TLE1: variants seen among roughly 807,000 people sequenced by gnomAD.
TLE1 encodes the protein TLE family member 1, transcriptional corepressor.
TLE1 carries 21 observed loss-of-function variants against 89.8 expected under a neutral mutation model. The observed-to-expected ratio is 0.23, with a 90% CI of 0.17 to 0.34. TLE1 has a LOEUF of 0.34. Among genes scored for constraint, TLE1 ranks in the 10% least tolerant of loss-of-function variants. TLE1 has a pLI of 1.00. For missense variants in TLE1, 795 were observed against 1,031.2 expected (o/e 0.77, Z 3.14); for synonymous variants, 447 against 407.6 (o/e 1.10, Z -1.16).
chr9:81,628,466 T>C (rs1236162745), intron 8 of TLE1, among the ~76,000 whole-genome samples: 3 of 152,204 alleles, frequency 2.0e-5, no homozygotes, highest in Admixed American at 1.3e-4. Flanking sequence ...AACAGTATTC[T>C]TTTCCAAAGC....
chr9:81,634,141 G>T lies in TLE1; in HGVS notation c.533C>A (p.Ala178Glu), dbSNP rs765806788. The part of the protein sequence containing the change: ...SSALSGQSHL[A>E]IKDDKKHHDA... ...GTGGTGCTTCTTGTCATCTTTTATT[G>T]CCAAGTGAGACTGCCCACTCAGAGC... The change falls in exon 7 of 20, where the codon GCA becomes GAA. Residue 178 changes from alanine to glutamate, a missense_variant. By Grantham distance (107) the Ala-to-Glu change is moderately radical. Coordinates refer to ENST00000376499, the MANE Select transcript of TLE1 (RefSeq NM_005077.5). 1.2e-6 allele frequency: 2 copies of T among 1,607,954 alleles called. No homozygotes were observed. Among genetic ancestry groups the T allele is most frequent in the Non-Finnish European group, 8.5e-7 (1 of 1,176,732 alleles).
At chr9:81,585,695 A>G (rs1337602162) in intron 17 of TLE1, 40 bp from the exon 18 acceptor site, 1 of 1,606,098 alleles carries the variant, frequency 6.2e-7, no homozygotes, top group Admixed American at 1.7e-5. Flanking sequence ...ATTCCGCCTG[A>G]TACACTTAGG....
At chr9:81,674,452 GTT>G (rs1195151433) in intron 4 of TLE1, among the ~76,000 whole-genome samples, 1 of 152,156 alleles carries the variant, frequency 6.6e-6, no homozygotes, top group African/African-American at 2.4e-5. Flanking sequence ...CCTCAATGAG[GTT>G]TTGTTTCTGG....
intron 14 of TLE1, among the ~76,000 whole-genome samples, chr9:81,603,328 T>C (rs961214062): frequency 2.0e-5 from 3 of 152,158 alleles, no homozygotes; most frequent in African/African-American, 4.8e-5. Flanking sequence ...CATGTTCCCC[T>C]TGAAGGATCC....
chr9:81,628,721 T>C (rs1177352197), intron 8 of TLE1, among the ~76,000 whole-genome samples: 2 of 151,358 alleles, frequency 1.3e-5, no homozygotes, highest in Non-Finnish European at 1.5e-5. Context: ...AATTACAGAG[T>C]GACAACATGG....
At chr9:81,656,547 G>A (rs143936962) in intron 4 of TLE1, among the ~76,000 whole-genome samples, 12 of 152,290 alleles carry the variant, frequency 7.9e-5, no homozygotes, top group Middle Eastern at 3.4e-3. Context: ...CCAAGGATAA[G>A]CATGGGTAAC....
At chr9:81,661,180 A>T (rs1489594442) in intron 4 of TLE1, among the ~76,000 whole-genome samples, 1 of 121,582 alleles carries the variant, frequency 8.2e-6, no homozygotes, top group South Asian at 2.7e-4. Flanking sequence ...ATTTATATAT[A>T]TGTATTTTTA....
chr9:81,632,331 A>C (rs1826745426), intron 8 of TLE1, among the ~76,000 whole-genome samples: 1 of 152,142 alleles, frequency 6.6e-6, no homozygotes, highest in African/African-American at 2.4e-5. Flanking sequence ...ATCCAGATAC[A>C]TGAAATATAC....
chr9:81,597,004 G>T (rs1343234818), intron 14 of TLE1, among the ~76,000 whole-genome samples: 2 of 152,152 alleles, frequency 1.3e-5, no homozygotes, highest in Non-Finnish European at 2.9e-5. Flanking sequence ...CATTAGATTA[G>T]GTCCACAGGC....
At chr9:81,618,925 TTC>T (rs1260383584) in intron 9 of TLE1, among the ~76,000 whole-genome samples, 3 of 152,170 alleles carry the variant, frequency 2.0e-5, no homozygotes, top group African/African-American at 7.2e-5. Context: ...GAGGCCTCTG[TTC>T]CAGATTCTCC....
intron 6 of TLE1, among the ~76,000 whole-genome samples, chr9:81,644,195 A>G (rs1828532364): frequency 6.6e-6 from 1 of 152,182 alleles, no homozygotes; most frequent in Non-Finnish European, 1.5e-5. Flanking sequence ...TTGCTCAAAA[A>G]GTTACCATAG....
At chr9:81,597,627 C>T (rs964126248) in intron 14 of TLE1, among the ~76,000 whole-genome samples, 1 of 152,140 alleles carries the variant, frequency 6.6e-6, no homozygotes, top group Admixed American at 6.5e-5. Flanking sequence ...TGAGACCCAG[C>T]CCCCACCTAG....
intron 2 of TLE1, 81 bp from the exon 3 acceptor site, chr9:81,685,977 T>A: frequency 6.7e-7 from 1 of 1,494,740 alleles, no homozygotes; most frequent in Non-Finnish European, 9.2e-7. Flanking sequence ...GCACTTCAAG[T>A]AAAAACACAG....
chr9:81,687,223 C>A (rs956209455), intron 2 of TLE1, 111 bp downstream of exon 2: 1 of 855,544 alleles, frequency 1.2e-6, no homozygotes, highest in Admixed American at 2.5e-5. Context: ...TGAGACTCCA[C>A]ACGCCACCGC....
chr9:81,584,297 C>T lies in TLE1; in HGVS notation c.2214G>A (p.Glu738=), dbSNP rs1046766701. ...TGTCACAGCTAAGCACTGACGAGGACTCTTTGGACTGGAAGAGAAAACAAT... is the reference window on the plus strand; with the variant it reads ...TGTCACAGCTAAGCACTGACGAGGATTCTTTGGACTGGAAGAGAAAACAAT... ...PYGASIFQSK[E]SSSVLSCDIS... is the part of the protein sequence containing the mutation. Residue 738 remains glutamate (E), a synonymous_variant, in exon 20 of 20, where the codon GAG becomes GAA. Transcript: ENST00000376499. 10 of 1,613,972 alleles carry T rather than the reference C, an allele frequency of 6.2e-6. No homozygotes were observed. Among genetic ancestry groups the T allele is most frequent in the Admixed American group, 5.0e-5 (3 of 60,000 alleles).
At chr9:81,675,330 GTAAA>G (rs3024227) in intron 4 of TLE1, among the ~76,000 whole-genome samples, 32,878 of 151,886 alleles carry the variant, frequency 0.22, 3,772 homozygotes, top group African/African-American at 0.3. Context: ...TAAAGACTAA[GTAAA>G]TAATCAGTGG....
chr9:81,640,393 A>C (rs1436048428), intron 6 of TLE1, among the ~76,000 whole-genome samples: 2 of 141,592 alleles, frequency 1.4e-5, no homozygotes, highest in African/African-American at 2.5e-5. Flanking sequence ...CAATTTCAAA[A>C]ATTAAAAAAA....
At chr9:81,669,309 T>C (rs181313085) in intron 4 of TLE1, among the ~76,000 whole-genome samples, 22 of 152,292 alleles carry the variant, frequency 1.4e-4, no homozygotes, top group Admixed American at 2.0e-4. Context: ...ATCTGTCTAA[T>C]AGACATGTGG....
intron 14 of TLE1, among the ~76,000 whole-genome samples, chr9:81,603,643 T>G (rs1413449859): frequency 6.6e-6 from 1 of 152,226 alleles, no homozygotes; most frequent in Non-Finnish European, 1.5e-5. Flanking sequence ...CCCCACAATT[T>G]ACTGCCTCCA....
Sources: gnomAD v4.1 joint callset for allele counts (sites outside exome capture counted in the v4.1 genomes callset) on GRCh38, gnomAD v4.1.1 for gene constraint, MANE v1.5 for transcripts, NCBI Gene and HGNC (gene_info 2026-07-23, HGNC 2026-07-21) for gene names.